DHX15: variants seen among roughly 807,000 people sequenced by gnomAD.
DHX15 encodes the protein ATP-dependent RNA helicase DHX15.
A neutral mutation model predicts 94.4 loss-of-function variants in DHX15; 11 were observed. The observed-to-expected ratio is 0.12, with a 90% CI of 0.07 to 0.19. The LOEUF is 0.19. DHX15 is among the 10% of genes least tolerant of loss of function. The pLI, the probability that DHX15 is intolerant of heterozygous loss-of-function variation, is 1.00. For synonymous variants in DHX15, 338 were observed against 329.9 expected (o/e 1.02, Z -0.27); for missense variants, 304 against 988.5 (o/e 0.31, Z 9.29).
intron 12 of DHX15, among the ~76,000 whole-genome samples, chr4:24,532,478 T>A (rs1721105582): frequency 6.6e-6 from 1 of 152,202 alleles, no homozygotes; most frequent in Non-Finnish European, 1.5e-5. Context: ...TGACAATGTA[T>A]TTCCAATTAA....
rs73093232 is a variant in DHX15 at position 24,547,973 on chromosome 4, G to A, written c.1248+882C>T. ...TCTATATCTATATCTATCTGCTGAT[G>A]GGGACTATATATCTGCTGATGGGGA... On this transcript the variant is annotated intron_variant, in intron 6 of 13. Transcript: ENST00000336812. Among the ~76,000 whole-genome samples the A allele has an allele frequency of 3.5e-3, 448 of 128,214 alleles. 7 individuals are homozygous for A. The highest frequency in any genetic ancestry group is 0.013 in the African/African-American group (425 of 33,770). 84.1% of individuals were successfully genotyped at this position (128,214 alleles called of 152,430 possible).
At chr4:24,567,027 CT>C (rs1183211824) in intron 3 of DHX15, among the ~76,000 whole-genome samples, 1 of 152,096 alleles carries the variant, frequency 6.6e-6, no homozygotes, top group Non-Finnish European at 1.5e-5. Context: ...ATAGAAGGTA[CT>C]TAACTATTAG....
At chr4:24,555,323 G>C (rs1721705756) in intron 4 of DHX15, among the ~76,000 whole-genome samples, 1 of 149,462 alleles carries the variant, frequency 6.7e-6, no homozygotes, top group East Asian at 2.0e-4. Flanking sequence ...AAAAAAATAA[G>C]TGGACCAGAT....
chr4:24,567,910 T>C (rs1722030459), intron 3 of DHX15, among the ~76,000 whole-genome samples: 1 of 152,226 alleles, frequency 6.6e-6, no homozygotes. Flanking sequence ...TTTGTAAACT[T>C]ACTTGTTCAC....
Position 24,549,118 on chromosome 4 carries a change from C to G in DHX15, c.1081-96G>C, listed in dbSNP as rs894321716. ...ATGCAGTCTGTTTTATGTATGCCATCTTCTTTCACTTCATGGATACCCTGT... is the reference window on the plus strand; with the variant it reads ...ATGCAGTCTGTTTTATGTATGCCATGTTCTTTCACTTCATGGATACCCTGT... On this transcript the variant is annotated intron_variant, in intron 5 of 13. Transcript: ENST00000336812. 19 of 954,606 alleles carry G rather than the reference C, an allele frequency of 2.0e-5. No individual in the cohort carries two copies. The African/African-American group carries it at 2.8e-4, about 14-fold the overall frequency. 59.1% of individuals were successfully genotyped at this position (954,606 alleles called of 1,614,324 possible).
At chr4:24,528,685 T>C (rs1375125139) in intron 13 of DHX15, among the ~76,000 whole-genome samples, 2 of 152,194 alleles carry the variant, frequency 1.3e-5, no homozygotes, top group Admixed American at 6.5e-5. Context: ...TCATAGGTTA[T>C]AGAATAGATT....
chr4:24,527,936 A>C lies in DHX15; in HGVS notation c.2376T>G (p.Tyr792Ter). 3 of 1,611,428 alleles carry C rather than the reference A, an allele frequency of 1.9e-6. No individual in the cohort carries two copies. The highest frequency in any genetic ancestry group is 2.5e-6 in the Non-Finnish European group (3 of 1,177,624). The part of the protein sequence containing the change: ...RIIAKLQSKE[Y>*]SQY ...CTAAGCACTGAATTCAGTACTGTGA[A>C]TATTCCTTGGATTGAAGTTTGGCAA... Residue 792 changes from tyrosine (Y) to a stop codon, truncating the protein, a stop_gained, in exon 14 of 14, where the codon TAT becomes TAG. Coordinates refer to ENST00000336812, the MANE Select transcript of DHX15 (RefSeq NM_001358.3). LOFTEE classifies it high-confidence loss of function.
intron 5 of DHX15, among the ~76,000 whole-genome samples, chr4:24,551,671 GC>G (rs769774103): frequency 6.6e-6 from 1 of 152,072 alleles, no homozygotes; most frequent in Non-Finnish European, 1.5e-5. Flanking sequence ...AGATTAGAAT[GC>G]CCCCTGCTGG....
chr4:24,565,456 A>G (rs1205072490), intron 3 of DHX15, among the ~76,000 whole-genome samples: 1 of 152,250 alleles, frequency 6.6e-6, no homozygotes, highest in East Asian at 1.9e-4. Flanking sequence ...TGTGCTACAC[A>G]TGAACTAGAA....
At chr4:24,546,041 C>G (rs543119406) in intron 6 of DHX15, among the ~76,000 whole-genome samples, 23 of 152,214 alleles carry the variant, frequency 1.5e-4, no homozygotes, top group African/African-American at 5.5e-4. Context: ...CCCAATAACT[C>G]CACTTCAAAG....
At chr4:24,555,698 T>A (rs1182914433) in intron 4 of DHX15, among the ~76,000 whole-genome samples, 1 of 152,140 alleles carries the variant, frequency 6.6e-6, no homozygotes, top group African/African-American at 2.4e-5. Context: ...AAGGGGAACA[T>A]CATAGACTTT....
chr4:24,560,933 G>C (rs1204956428), intron 3 of DHX15, among the ~76,000 whole-genome samples: 1 of 152,192 alleles, frequency 6.6e-6, no homozygotes, highest in Non-Finnish European at 1.5e-5. Context: ...GTTTTATAAT[G>C]CTGAGTTGGC....
In DHX15 at chr4:24,537,040, T is replaced by C; in HGVS notation, c.1909+11A>G. On this transcript the variant is annotated intron_variant, in intron 11 of 13. Coordinates refer to ENST00000336812, the MANE Select transcript of DHX15 (RefSeq NM_001358.3). The surrounding 1 kb of genome is among the most constrained non-coding windows in gnomAD (Gnocchi z 4.7). ...TTAGACAAGAGTGTCTCCAATCAAA[T>C]TTACACTTACTTTGTTTAAAAGCAT... 6.2e-7 allele frequency: 1 copy of C among 1,612,020 alleles called. No homozygotes were observed. The highest frequency in any genetic ancestry group is 8.5e-7 in the Non-Finnish European group (1 of 1,178,744).
At chr4:24,573,854 T>C (rs1262337234) in intron 2 of DHX15, among the ~76,000 whole-genome samples, 2 of 152,084 alleles carry the variant, frequency 1.3e-5, no homozygotes, top group African/African-American at 4.8e-5. Context: ...TGCAGTTATG[T>C]GTCTACTAAG....
Position 24,533,178 on chromosome 4 carries a change from A to G in DHX15, c.1910-124T>C, listed in dbSNP as rs896145353. On this transcript the variant is annotated intron_variant, in intron 11 of 13. Coordinates refer to ENST00000336812, the MANE Select transcript of DHX15 (RefSeq NM_001358.3). Reference sequence around the variant, plus strand: ...AAACCAGAAAGGAGATTTACCCACAACATTTTCTTTAAATGAACTGCAATG... The same window carrying G: ...AAACCAGAAAGGAGATTTACCCACAGCATTTTCTTTAAATGAACTGCAATG... 8.2e-6 allele frequency: 7 copies of G among 853,470 alleles called. No homozygotes were observed. The African/African-American group carries it at 1.2e-4, about 14-fold the overall frequency. The allele number at this position is 853,470 out of a possible 1,614,324, so 52.9% of individuals were successfully genotyped here.
chr4:24,583,938 C>T (rs1307180744), intron 1 of DHX15, among the ~76,000 whole-genome samples: 1 of 152,220 alleles, frequency 6.6e-6, no homozygotes, highest in Non-Finnish European at 1.5e-5. Context: ...CGAATACTCC[C>T]ACCGCGCCCT....
intron 2 of DHX15, among the ~76,000 whole-genome samples, chr4:24,574,205 C>CAAAAAAAAAAAAAAAAAAAAAAAAAA (rs61031930): frequency 1.2e-4 from 8 of 68,870 alleles, no homozygotes; most frequent in East Asian, 3.6e-4. Flanking sequence ...GACTTTGTCT[C>CAAAAAAAAAAAAAAAAAAAAAAAAAA]AAAAAAAAAA....
At chr4:24,572,717 G>A (rs936404094) in intron 2 of DHX15, among the ~76,000 whole-genome samples, 52 of 152,178 alleles carry the variant, frequency 3.4e-4, no homozygotes, top group African/African-American at 1.2e-3. Context: ...AGCTAGAAGA[G>A]TGCGTTTCCT....
chr4:24,527,881 T>C lies in DHX15; in HGVS notation c.*43A>G, dbSNP rs1720995036. 1 of 1,441,742 alleles carries C rather than the reference T, an allele frequency of 6.9e-7. No individual in the cohort carries two copies. Among genetic ancestry groups the C allele is most frequent in the Admixed American group, 1.7e-5 (1 of 59,400 alleles). The allele number at this position is 1,441,742 out of a possible 1,614,324, so 89.3% of individuals were successfully genotyped here. On this transcript the variant is annotated 3_prime_UTR_variant, in exon 14 of 14. Coordinates refer to ENST00000336812, the MANE Select transcript of DHX15 (RefSeq NM_001358.3). The stretch of plus-strand genomic sequence containing the variant: ...CTCGAACTTTTGAGTTCATTCATCT[T>C]TTAAAGCTGTCCTCTCAATAACTTC...
Sources: gnomAD v4.1 joint callset for allele counts (sites outside exome capture counted in the v4.1 genomes callset) on GRCh38, gnomAD v4.1.1 for gene constraint, Gnocchi (gnomAD v3.1) non-coding constraint, MANE v1.5 for transcripts, NCBI Gene and HGNC (gene_info 2026-07-23, HGNC 2026-07-21) for gene names.